Variants in EARS2 observed in about 807,000 individuals in gnomAD.
The protein encoded by EARS2 is nondiscriminating glutamyl-tRNA synthetase EARS2, mitochondrial.
EARS2 carries 50 observed loss-of-function variants against 54.1 expected under a neutral mutation model. That is an observed-to-expected ratio of 0.92 (90% CI 0.74 to 1.17). The LOEUF is 1.17. EARS2 is among the 50% of genes most tolerant of loss of function. The pLI, the probability that EARS2 is intolerant of heterozygous loss-of-function variation, is 0.00. For missense variants in EARS2, 673 were observed against 675.0 expected (o/e 1.00, Z 0.03); for synonymous variants, 298 against 281.0 (o/e 1.06, Z -0.61).
chr16:23,524,330 A>C lies in EARS2; in HGVS notation c.*41T>G. 1 of 1,564,824 alleles carries C rather than the reference A, an allele frequency of 6.4e-7. No homozygotes were observed. The highest frequency in any genetic ancestry group is 1.4e-5 in the African/African-American group (1 of 73,950). ...CTCTGAAAGCTGTTTCTAAGCTCAC[A>C]GGTTCTTAGGGCGATCTCCACTGCC... On this transcript the variant is annotated 3_prime_UTR_variant, in exon 9 of 9. Coordinates refer to ENST00000449606, the MANE Select transcript of EARS2 (RefSeq NM_001083614.2).
In EARS2 at chr16:23,524,282, C is replaced by A; in HGVS notation, c.*89G>T. The A allele has an allele frequency of 8.9e-7, 1 of 1,123,184 alleles. No individual in the cohort carries two copies. Among genetic ancestry groups the A allele is most frequent in the Non-Finnish European group, 1.4e-6 (1 of 739,432 alleles). 69.6% of individuals were successfully genotyped at this position (1,123,184 alleles called of 1,614,324 possible). A position where few individuals can be genotyped will look rare whatever the true frequency, so the allele number is the denominator to read the frequency against. ...TTAGTTCCTTCAGCAAACTTCCCGACGGGCCCCAGGCCTCCTTCTGGTCTC... is the reference window on the plus strand; with the variant it reads ...TTAGTTCCTTCAGCAAACTTCCCGAAGGGCCCCAGGCCTCCTTCTGGTCTC... On this transcript the variant is annotated 3_prime_UTR_variant, in exon 9 of 9. Coordinates refer to ENST00000449606, the MANE Select transcript of EARS2 (RefSeq NM_001083614.2).
intron 1 of EARS2, among the ~76,000 whole-genome samples, chr16:23,553,594 A>C (rs1472824974): frequency 6.6e-6 from 1 of 151,934 alleles, no homozygotes; most frequent in Non-Finnish European, 1.5e-5. Context: ...CTGTCTCTAC[A>C]AAGAAAAAAA....
intron 3 of EARS2, 124 bp downstream of exon 3, chr16:23,544,390 C>T (rs1005683105): frequency 4.5e-5 from 45 of 1,004,666 alleles, no homozygotes; most frequent in African/African-American, 2.6e-4. Context: ...GGTGAGGCCA[C>T]GCTCAGATGC....
intron 8 of EARS2, chr16:23,525,040 C>T: frequency 3.0e-6 from 2 of 665,962 alleles, no homozygotes; most frequent in Admixed American, 2.8e-5. Context: ...GTGTTTAATT[C>T]TATATTGTAT....
chr16:23,525,166 A>G, intron 8 of EARS2, 78 bp downstream of exon 8: 7 of 1,600,948 alleles, frequency 4.4e-6, no homozygotes, highest in Non-Finnish European at 6.0e-6. Flanking sequence ...TATTGAGCTC[A>G]GTGCCTGCCA....
At chr16:23,538,870 A>G (rs1047487050) in intron 3 of EARS2, among the ~76,000 whole-genome samples, 4 of 152,026 alleles carry the variant, frequency 2.6e-5, no homozygotes, top group African/African-American at 9.7e-5. Context: ...AAAAGTCCTA[A>G]GGGAAGCTAA....
rs367624731 is a variant in EARS2 at position 23,535,291 on chromosome 16, A to G, written c.555T>C (p.Pro185=). 6.2e-7 allele frequency: 1 copy of G among 1,606,140 alleles called. No individual in the cohort carries two copies. Among genetic ancestry groups the G allele is most frequent in the Non-Finnish European group, 8.5e-7 (1 of 1,179,964 alleles). The part of the protein sequence containing the change: ...VAQKLAKDPK[P]AIRFRLEQVV... ...CCTGCTCCAGGCGGAAGCGGATCGC[A>G]GGCTTGGGGTCCTTGGCCAGCTTCT... Residue 185 remains proline (P), a synonymous_variant, in exon 4 of 9, where the codon CCT becomes CCC. Coordinates refer to ENST00000449606, the MANE Select transcript of EARS2 (RefSeq NM_001083614.2).
At chr16:23,534,508 G>A (rs553998430) in intron 4 of EARS2, among the ~76,000 whole-genome samples, 4 of 152,154 alleles carry the variant, frequency 2.6e-5, no homozygotes, top group Non-Finnish European at 5.9e-5. Flanking sequence ...TGTAATAATT[G>A]TCACAATCAT....
At chr16:23,542,316 C>CTTTTTTTTTTTTTTTT (rs745418385) in intron 3 of EARS2, among the ~76,000 whole-genome samples, 14 of 93,696 alleles carry the variant, frequency 1.5e-4, no homozygotes, top group Admixed American at 1.6e-4. Flanking sequence ...TTTCATTTTT[C>CTTTTTTTTTTTTTTTT]TTTTTTTTTT....
Position 23,525,239 on chromosome 16 carries a change from C to G in EARS2, c.1488+5G>C, listed in dbSNP as rs778246395. ...GGAACAATCCAACCCGTGTCCCTGC[C>G]TCACCTGCTGTCCACTGAGGGCCAT... On this transcript the variant is annotated splice_donor_5th_base_variant and intron_variant, in intron 8 of 8. Transcript: ENST00000449606. 1.2e-6 allele frequency: 2 copies of G among 1,614,058 alleles called. No homozygotes were observed. Among genetic ancestry groups the G allele is most frequent in the Non-Finnish European group, 1.7e-6 (2 of 1,180,048 alleles).
At chr16:23,526,401 G>C (rs545820499) in intron 7 of EARS2, among the ~76,000 whole-genome samples, 2 of 152,240 alleles carry the variant, frequency 1.3e-5, no homozygotes, top group Admixed American at 6.5e-5. Context: ...CAGGATTATA[G>C]GCGTGAGCCA....
intron 1 of EARS2, chr16:23,553,032 T>C: frequency 5.1e-6 from 2 of 392,686 alleles, no homozygotes; most frequent in Middle Eastern, 8.2e-4. Context: ...GTTACTGAGG[T>C]GGGAGGATCA....
chr16:23,550,125 C>T (rs1000650268), intron 2 of EARS2, among the ~76,000 whole-genome samples: 2 of 151,978 alleles, frequency 1.3e-5, no homozygotes, highest in Admixed American at 6.6e-5. Flanking sequence ...TTTGGGAGGC[C>T]GAGGCAGGAG....
At position 23,521,470 on chromosome 16, in the gene EARS2, G is replaced by A. The variant is rs748032931; in HGVS notation, c.*2901C>T. 6.6e-6 allele frequency among the ~76,000 whole-genome samples: 1 copy of A among 151,504 alleles called. No individual in the cohort carries two copies. Among genetic ancestry groups the A allele is most frequent in the South Asian group, 2.1e-4 (1 of 4,816 alleles). On this transcript the variant is annotated 3_prime_UTR_variant, in exon 9 of 9. Transcript: ENST00000449606. Reference sequence around the variant, plus strand: ...GTTAGAGTGCAGTAGTGCATTCATAGCTCACTGCAGCCTTAACGCCTCAGC... The same window carrying A: ...GTTAGAGTGCAGTAGTGCATTCATAACTCACTGCAGCCTTAACGCCTCAGC...
chr16:23,527,120 G>C (rs1965241966), intron 7 of EARS2, among the ~76,000 whole-genome samples: 1 of 152,016 alleles, frequency 6.6e-6, no homozygotes, highest in South Asian at 2.1e-4. Context: ...CCACCACGAT[G>C]CCTGGCTAAT....
At chr16:23,547,505 T>C (rs752316869) in intron 2 of EARS2, among the ~76,000 whole-genome samples, 14 of 152,166 alleles carry the variant, frequency 9.2e-5, no homozygotes, top group Non-Finnish European at 1.9e-4. Flanking sequence ...GTGAATTATA[T>C]GTCATTTTTT....
Position 23,535,239 on chromosome 16 carries a change from A to C in EARS2, c.607T>G (p.Tyr203Asp), listed in dbSNP as rs977956435. ...QVVPAFQDLV[Y>D]GWNRHEVASV... ...GCCACTTCATGCCTATTCCAGCCAT[A>C]GACCAGGTCCTGGAAGGCTGGCACC... The change falls in exon 4 of 9, where the codon TAT (tyrosine) becomes GAT (aspartate). Residue 203 changes from tyrosine (Y) to aspartate (D), a missense_variant. By Grantham distance (160) the Tyr-to-Asp change is radical (BLOSUM62 -3). Coordinates refer to ENST00000449606, the MANE Select transcript of EARS2 (RefSeq NM_001083614.2). 1.2e-6 allele frequency: 2 copies of C among 1,613,258 alleles called. No homozygotes were observed. The highest frequency in any genetic ancestry group is 1.7e-6 in the Non-Finnish European group (2 of 1,180,026).
intron 5 of EARS2, 79 bp downstream of exon 5, chr16:23,532,578 C>A: frequency 2.0e-6 from 2 of 991,078 alleles, no homozygotes; most frequent in South Asian, 1.5e-5. Flanking sequence ...TACCAGAGCC[C>A]ATTATACCCT....
chr16:23,525,264 T>C lies in EARS2; in HGVS notation c.1468A>G (p.Met490Val). The C allele has an allele frequency of 6.2e-7, 1 of 1,614,150 alleles. No homozygotes were observed. Among genetic ancestry groups the C allele is most frequent in the Non-Finnish European group, 8.5e-7 (1 of 1,180,032 alleles). The stretch of plus-strand genomic sequence containing the variant: ...CTCACCTGCTGTCCACTGAGGGCCA[T>C]CCGAAGGAGTTTCATCACATTACTG... ...KYSNVMKLLR[M>V]ALSGQQQGPP... Residue 490 changes from methionine to valine, a missense_variant, in exon 8 of 9, where the codon ATG becomes GTG. By Grantham distance (21) the Met-to-Val change is conservative. This residue lies in a region of EARS2 where 338 missense variants were observed against 361.2 expected (regional missense o/e 0.94). Coordinates refer to ENST00000449606, the MANE Select transcript of EARS2 (RefSeq NM_001083614.2).
Sources: allele counts gnomAD v4.1 joint callset (sites outside exome capture counted in the v4.1 genomes callset), GRCh38; gene constraint gnomAD v4.1.1; regional missense constraint gnomAD v4.1.1; transcripts MANE v1.5; gene names NCBI Gene and HGNC (gene_info 2026-07-23, HGNC 2026-07-21).